The following ATG10 variants were observed in gnomAD, a reference collection of about 807,000 sequenced individuals.
ATG10 encodes ubiquitin-like-conjugating enzyme ATG10.
A neutral mutation model predicts 32.1 loss-of-function variants in ATG10; 30 were observed. That is an observed-to-expected ratio of 0.94 (90% CI 0.70 to 1.27). The LOEUF (loss-of-function observed/expected upper bound fraction) is 1.27, where lower values mean the gene tolerates loss of function less well. ATG10 is among the 50% of genes most tolerant of loss of function. The pLI, the probability that ATG10 is intolerant of heterozygous loss-of-function variation, is 0.00. For missense variants in ATG10, 233 were observed against 262.3 expected, an observed-to-expected ratio of 0.89 and a Z score of 0.77; for synonymous variants, 87 against 91.5, an observed-to-expected ratio of 0.95 and a Z score of 0.28.
In ATG10 at chr5:82,030,929, A is replaced by T. The variant is rs187301333; in HGVS notation, c.109-27566A>T. Among the ~76,000 whole-genome samples, 630 of 151,786 alleles carry T rather than the reference A, an allele frequency of 4.2e-3. 12 individuals are homozygous for T. Among genetic ancestry groups the T allele is most frequent in the Non-Finnish European group, 2.0e-3 (138 of 67,942 alleles). ...TTTTATTCATGATAGGTATCATCTC[A>T]TTTTTGCTTGTGACTTTTTAAAAAA... On this transcript the variant is annotated intron_variant, in intron 2 of 7. Coordinates refer to ENST00000282185, the MANE Select transcript of ATG10 (RefSeq NM_031482.5).
chr5:81,986,557 A>T (rs1761280465), intron 1 of ATG10, among the ~76,000 whole-genome samples: 1 of 152,130 alleles, frequency 6.6e-6, no homozygotes, highest in African/African-American at 2.4e-5. Flanking sequence ...ACAAACTCTT[A>T]CATAGATTAT....
At chr5:82,042,945 A>C (rs1042785834) in intron 2 of ATG10, among the ~76,000 whole-genome samples, 14 of 151,916 alleles carry the variant, frequency 9.2e-5, no homozygotes, top group African/African-American at 3.4e-4. Context: ...TGGTGGATCT[A>C]CCTTTCTGAT....
intron 3 of ATG10, among the ~76,000 whole-genome samples, chr5:82,079,422 T>G (rs1265755267): frequency 6.6e-6 from 1 of 151,896 alleles, no homozygotes; most frequent in East Asian, 1.9e-4. Flanking sequence ...AACATGCAGG[T>G]TTGTTACATA....
Position 82,183,027 on chromosome 5 carries a change from G to A in ATG10, c.453+4440G>A, listed in dbSNP as rs1744295540. 2.0e-5 allele frequency among the ~76,000 whole-genome samples: 3 copies of A among 151,962 alleles called. No homozygotes were observed. The South Asian group carries it at 6.2e-4, about 32-fold the overall frequency. ...TTCAAAGTGATGGGATTACAGGCATGAATCACTGCACCTGACCTCTTTGTA... is the reference window on the plus strand; with the variant it reads ...TTCAAAGTGATGGGATTACAGGCATAAATCACTGCACCTGACCTCTTTGTA... On this transcript the variant is annotated intron_variant, in intron 5 of 7. Coordinates refer to ENST00000282185, the MANE Select transcript of ATG10 (RefSeq NM_031482.5).
At chr5:82,204,308 A>G (rs1745197864) in intron 5 of ATG10, among the ~76,000 whole-genome samples, 1 of 152,222 alleles carries the variant, frequency 6.6e-6, no homozygotes, top group South Asian at 2.1e-4. Context: ...GGTACAATGA[A>G]GAGCAAAAGC....
chr5:81,987,729 G>C, intron 2 of ATG10, 51 bp downstream of exon 2: 1 of 1,465,718 alleles, frequency 6.8e-7, no homozygotes, highest in Non-Finnish European at 9.4e-7. Flanking sequence ...TTTTTGTTTT[G>C]TTTTGTTTTG....
chr5:82,105,740 A>T (rs766284016), intron 3 of ATG10, among the ~76,000 whole-genome samples: 1 of 152,156 alleles, frequency 6.6e-6, no homozygotes, highest in Non-Finnish European at 1.5e-5. Context: ...AGTGGCACCC[A>T]GTCACCAGCC....
At chr5:82,129,726 A>AG (rs1272870886) in intron 3 of ATG10, among the ~76,000 whole-genome samples, 1 of 152,044 alleles carries the variant, frequency 6.6e-6, no homozygotes, top group Non-Finnish European at 1.5e-5. Context: ...GCTTCATCCC[A>AG]GGGGGGCATC....
At chr5:81,977,048 G>C (rs1760893753) in intron 1 of ATG10, among the ~76,000 whole-genome samples, 1 of 151,976 alleles carries the variant, frequency 6.6e-6, no homozygotes, top group Admixed American at 6.6e-5. Flanking sequence ...GCTAATTTTT[G>C]TATTTTTTTG....
At chr5:82,204,203 T>C (rs990352854) in intron 5 of ATG10, among the ~76,000 whole-genome samples, 2 of 152,192 alleles carry the variant, frequency 1.3e-5, no homozygotes, top group Admixed American at 6.5e-5. Flanking sequence ...TGTAGTGTTT[T>C]ATATAACACC....
chr5:82,234,572 C>T (rs531424337), intron 5 of ATG10, among the ~76,000 whole-genome samples: 37 of 152,290 alleles, frequency 2.4e-4, no homozygotes, highest in African/African-American at 8.2e-4. Flanking sequence ...TTGAAGGTCA[C>T]GCTAGCTCTG....
At chr5:82,022,470 A>G (rs888793585) in intron 2 of ATG10, among the ~76,000 whole-genome samples, 1 of 151,162 alleles carries the variant, frequency 6.6e-6, no homozygotes, top group African/African-American at 2.4e-5. Flanking sequence ...CTGGGATTAC[A>G]GGTACCCACA....
At chr5:82,152,806 T>C (rs1235031768) in intron 3 of ATG10, among the ~76,000 whole-genome samples, 1 of 152,168 alleles carries the variant, frequency 6.6e-6, no homozygotes, top group Admixed American at 6.5e-5. Flanking sequence ...AATATACACA[T>C]ATTAGGGTTG....
At position 82,139,202 on chromosome 5, in the gene ATG10, C is replaced by T. The variant is rs868680200; in HGVS notation, c.217-25197C>T. Among the ~76,000 whole-genome samples the T allele has an allele frequency of 4.4e-3, 640 of 145,838 alleles. 3 individuals are homozygous for T. Among genetic ancestry groups the T allele is most frequent in the African/African-American group, 0.013 (503 of 38,118 alleles). On this transcript the variant is annotated intron_variant, in intron 3 of 7. Coordinates refer to ENST00000282185, the MANE Select transcript of ATG10 (RefSeq NM_031482.5). ...GATCTCGGCTCACTACAACCTACACCTCCCAGCCGCCTGCCTTGGCCTCCC... is the reference window on the plus strand; with the variant it reads ...GATCTCGGCTCACTACAACCTACACTTCCCAGCCGCCTGCCTTGGCCTCCC...
intron 2 of ATG10, among the ~76,000 whole-genome samples, chr5:82,045,888 A>T (rs186499154): frequency 6.3e-4 from 96 of 152,106 alleles, no homozygotes; most frequent in Middle Eastern, 3.4e-3. Context: ...TGGCAAGCAG[A>T]ATGACCTCAG....
chr5:82,087,999 A>G (rs1764748510), intron 3 of ATG10, among the ~76,000 whole-genome samples: 2 of 152,188 alleles, frequency 1.3e-5, no homozygotes, highest in South Asian at 4.1e-4. Flanking sequence ...AGAAACAAAA[A>G]TAAGGAAGCA....
chr5:81,987,735 T>TTTTGG, intron 2 of ATG10, 57 bp downstream of exon 2: 1 of 1,402,216 alleles, frequency 7.1e-7, no homozygotes, highest in Non-Finnish European at 9.9e-7. Flanking sequence ...TTTTGTTTTG[T>TTTTGG]TTTGGTTTGT....
chr5:82,041,539 T>C (rs1481756672), intron 2 of ATG10, among the ~76,000 whole-genome samples: 1 of 152,130 alleles, frequency 6.6e-6, no homozygotes, highest in African/African-American at 2.4e-5. Flanking sequence ...GAGCGTTAAA[T>C]GCTCAAAATT....
chr5:82,036,713 T>G (rs1241424395), intron 2 of ATG10, among the ~76,000 whole-genome samples: 1 of 152,214 alleles, frequency 6.6e-6, no homozygotes, highest in Non-Finnish European at 1.5e-5. Context: ...TTAGAATTAC[T>G]TTACAAGTTT....
Sources: gnomAD v4.1 joint callset for allele counts (sites outside exome capture counted in the v4.1 genomes callset) on GRCh38, gnomAD v4.1.1 for gene constraint, MANE v1.5 for transcripts, NCBI Gene and HGNC (gene_info 2026-07-23, HGNC 2026-07-21) for gene names.